Variants in SMAD4 observed in about 807,000 individuals in gnomAD.
SMAD4 encodes the protein SMAD family member 4.
In SMAD4, 7 loss-of-function variants were observed where a neutral mutation model predicts 63.2. The observed-to-expected ratio is 0.11, with a 90% CI of 0.06 to 0.21. SMAD4 has a LOEUF of 0.21. SMAD4 is among the 10% of genes least tolerant of loss of function. The pLI, the probability that SMAD4 is intolerant of heterozygous loss-of-function variation, is 1.00. For missense variants in SMAD4, 312 were observed against 693.8 expected (o/e 0.45, Z 6.18); for synonymous variants, 215 against 235.4 (o/e 0.91, Z 0.79).
intron 11 of SMAD4, 137 bp from the exon 12 acceptor site, chr18:51,078,119 C>CT (rs1157663909): frequency 3.9e-6 from 3 of 762,656 alleles, no homozygotes. Context: ...ACTGTTACTT[C>CT]TTGGCACTTT....
At chr18:51,036,880 G>A (rs1001043275) in intron 1 of SMAD4, among the ~76,000 whole-genome samples, 3 of 152,168 alleles carry the variant, frequency 2.0e-5, no homozygotes, top group Admixed American at 6.5e-5. Flanking sequence ...AAATGAGGCC[G>A]GGTGCGGTGA....
At chr18:51,067,646 A>G (rs1910201653) in intron 10 of SMAD4, among the ~76,000 whole-genome samples, 1 of 151,968 alleles carries the variant, frequency 6.6e-6, no homozygotes, top group African/African-American at 2.4e-5. Flanking sequence ...CTCCTGACCT[A>G]AAGTGATCCG....
chr18:51,051,253 G>C, intron 4 of SMAD4: 1 of 403,258 alleles, frequency 2.5e-6, no homozygotes, highest in Non-Finnish European at 4.9e-6. Flanking sequence ...GATTGTACGG[G>C]TTGATAGCCT....
In SMAD4 at chr18:51,082,643, A is replaced by G. The variant is rs1014310175; in HGVS notation, c.*4176A>G. ...GTAACATTTCTTTCTGTGCTTGGCTATCTTTGTGGACTTCAGGGGCTTCTA... is the reference window on the plus strand; with the variant it reads ...GTAACATTTCTTTCTGTGCTTGGCTGTCTTTGTGGACTTCAGGGGCTTCTA... On this transcript the variant is annotated 3_prime_UTR_variant, in exon 12 of 12. Transcript: ENST00000342988. 1.7e-5 allele frequency: 4 copies of G among 230,706 alleles called. No individual in the cohort carries two copies. The highest frequency in any genetic ancestry group is 1.8e-4 in the South Asian group (1 of 5,476). The allele number at this position is 230,706 out of a possible 1,614,324, so 14.3% of individuals were successfully genotyped here. A position where few individuals can be genotyped will look rare whatever the true frequency, so the allele number is the denominator to read the frequency against.
At chr18:51,036,450 C>T (rs764731465) in intron 1 of SMAD4, among the ~76,000 whole-genome samples, 9 of 151,914 alleles carry the variant, frequency 5.9e-5, no homozygotes, top group Non-Finnish European at 1.0e-4. Flanking sequence ...AAAGGATGAC[C>T]GGAAATAATA....
chr18:51,072,225 G>T (rs1254953536), intron 10 of SMAD4, among the ~76,000 whole-genome samples: 2 of 152,138 alleles, frequency 1.3e-5, no homozygotes, highest in Admixed American at 6.5e-5. Context: ...GGGTGTGAGG[G>T]TTCCAATTTC....
rs549489716 is a variant in SMAD4 at position 51,078,440 on chromosome 18, G to T, written c.1632G>T (p.Pro544=). Residue 544 remains proline, a synonymous_variant, in exon 12 of 12, where the codon CCG becomes CCT. Transcript: ENST00000342988. ...TAGACGAAGTACTTCATACCATGCC[G>T]ATTGCAGACCCACAACCTTTAGACT... The part of the protein sequence containing the change: ...QLLDEVLHTM[P]IADPQPLD The T allele has an allele frequency of 6.2e-7, 1 of 1,614,000 alleles. No individual in the cohort carries two copies. The highest frequency in any genetic ancestry group is 1.3e-5 in the African/African-American group (1 of 74,920).
Position 51,082,734 on chromosome 18 carries a change from T to G in SMAD4, c.*4267T>G, listed in dbSNP as rs1018642702. ...ACAGCTATGGTTTTGAATTTTTAGT[T>G]TTTTTTTTTTAACCCACTTCCCCTC... On this transcript the variant is annotated 3_prime_UTR_variant, in exon 12 of 12. Transcript: ENST00000342988. The G allele has an allele frequency of 7.1e-5, 16 of 225,178 alleles. No homozygotes were observed. Among genetic ancestry groups the G allele is most frequent in the Non-Finnish European group, 1.2e-4 (14 of 113,820 alleles). 13.9% of individuals were successfully genotyped at this position (225,178 alleles called of 1,614,324 possible). A position where few individuals can be genotyped will look rare whatever the true frequency, so the allele number is the denominator to read the frequency against.
At chr18:51,032,792 G>A (rs1020312272) in intron 1 of SMAD4, among the ~76,000 whole-genome samples, 2 of 151,914 alleles carry the variant, frequency 1.3e-5, no homozygotes, top group Non-Finnish European at 2.9e-5. Flanking sequence ...GAATCTGTAG[G>A]GTTCATTATA....
At chr18:51,066,939 A>G (rs1910174923) in intron 9 of SMAD4, 80 bp from the exon 10 acceptor site, 1 of 1,040,356 alleles carries the variant, frequency 9.6e-7, no homozygotes, top group African/African-American at 1.6e-5. Flanking sequence ...TTTCAATATT[A>G]AGCATGCTAT....
chr18:51,035,149 C>A (rs1160113032), intron 1 of SMAD4, among the ~76,000 whole-genome samples: 2 of 152,184 alleles, frequency 1.3e-5, no homozygotes, highest in Non-Finnish European at 2.9e-5. Context: ...CTGTCTCTTT[C>A]TTTTCTCTCC....
In SMAD4 at chr18:51,054,790, G is replaced by C. The variant is rs199790852; in HGVS notation, c.464G>C (p.Ser155Thr). 4 of 1,594,684 alleles carry C rather than the reference G, an allele frequency of 2.5e-6. No individual in the cohort carries two copies. In the South Asian group the frequency reaches 4.4e-5, roughly 18 times the overall value. ...TTAATTTTCTATATAGCTCCATCAAGTATGATGGTGAAGGATGAATATGTG... is the reference window on the plus strand; with the variant it reads ...TTAATTTTCTATATAGCTCCATCAACTATGATGGTGAAGGATGAATATGTG... ...GLTLQSNAPS[S>T]MMVKDEYVHD... The change falls in exon 5 of 12, where the codon AGT becomes ACT. Residue 155 changes from serine to threonine, a missense_variant. Physicochemically the swap from Ser to Thr is moderately conservative, Grantham distance 58. This residue lies in a region of SMAD4 where 169 missense variants were observed against 211.0 expected (regional missense o/e 0.80). Coordinates refer to ENST00000342988, the MANE Select transcript of SMAD4 (RefSeq NM_005359.6).
intron 4 of SMAD4, chr18:51,051,247 G>C (rs544824712): frequency 1.2e-3 from 485 of 392,730 alleles, no homozygotes; most frequent in Non-Finnish European, 2.1e-3. Context: ...TGATGGGATT[G>C]TACGGGTTGA....
At chr18:51,045,991 T>C (rs180745786) in intron 1 of SMAD4, among the ~76,000 whole-genome samples, 1 of 152,336 alleles carries the variant, frequency 6.6e-6, no homozygotes, top group East Asian at 1.9e-4. Flanking sequence ...TTGAATAATA[T>C]TTCGTTGTAT....
chr18:51,080,052 A>G lies in SMAD4; in HGVS notation c.*1585A>G. ...GATAAATAGATTGTCTACAGGATAAATAGTATGAAATAAAATCAAGGATTA... is the reference window on the plus strand; with the variant it reads ...GATAAATAGATTGTCTACAGGATAAGTAGTATGAAATAAAATCAAGGATTA... On this transcript the variant is annotated 3_prime_UTR_variant, in exon 12 of 12. Coordinates refer to ENST00000342988, the MANE Select transcript of SMAD4 (RefSeq NM_005359.6). The G allele has an allele frequency of 4.3e-6, 1 of 232,488 alleles. No homozygotes were observed. The highest frequency in any genetic ancestry group is 8.5e-6 in the Non-Finnish European group (1 of 117,652). The allele number at this position is 232,488 out of a possible 1,614,324, so 14.4% of individuals were successfully genotyped here. A position where few individuals can be genotyped will look rare whatever the true frequency, so the allele number is the denominator to read the frequency against.
intron 10 of SMAD4, 145 bp from the exon 11 acceptor site, chr18:51,076,493 T>C: frequency 1.4e-6 from 1 of 699,786 alleles, no homozygotes; most frequent in Non-Finnish European, 2.4e-6. Flanking sequence ...CCAATCACAA[T>C]GTACATAAAA....
chr18:51,047,691 C>T (rs1909587191), intron 2 of SMAD4, among the ~76,000 whole-genome samples: 1 of 152,022 alleles, frequency 6.6e-6, no homozygotes, highest in Admixed American at 6.6e-5. Context: ...CCACTGCAAC[C>T]TCCACCTCTT....
intron 4 of SMAD4, chr18:51,051,444 T>C (rs1327484529): frequency 2.2e-6 from 1 of 452,374 alleles, no homozygotes; most frequent in Non-Finnish European, 4.4e-6. Context: ...AATGGGACAG[T>C]TCCTTCATTT....
In SMAD4 at chr18:51,058,463, T is replaced by G. The variant is rs1207550894; in HGVS notation, c.904+7T>G. The G allele has an allele frequency of 3.8e-6, 6 of 1,586,940 alleles. No individual in the cohort carries two copies. The highest frequency in any genetic ancestry group is 4.3e-6 in the Non-Finnish European group (5 of 1,158,548). ...CCCCATCCCGGACATTACTGTAAGC[T>G]CTTGTTTTTGTTGTAAGGGCTATTT... On this transcript the variant is annotated splice_region_variant and intron_variant, in intron 7 of 11. Coordinates refer to ENST00000342988, the MANE Select transcript of SMAD4 (RefSeq NM_005359.6).
Sources: allele counts gnomAD v4.1 joint callset (sites outside exome capture counted in the v4.1 genomes callset), GRCh38; gene constraint gnomAD v4.1.1; regional missense constraint gnomAD v4.1.1; transcripts MANE v1.5; gene names NCBI Gene and HGNC (gene_info 2026-07-23, HGNC 2026-07-21).